DSE: variants seen among roughly 807,000 people sequenced by gnomAD.
The protein encoded by DSE is dermatan sulfate epimerase, also known as dermatan-sulfate epimerase.
A neutral mutation model predicts 84.4 loss-of-function variants in DSE; 36 were observed. That is an observed-to-expected ratio of 0.43 (90% CI 0.33 to 0.56). The LOEUF is 0.56. Ranked by LOEUF, DSE falls within the 20% of genes least tolerant of loss-of-function variation. The pLI, the probability that DSE is intolerant of heterozygous loss-of-function variation, is 0.06. For missense variants in DSE, 862 were observed against 1,169.6 expected (o/e 0.74, Z 3.84); for synonymous variants, 410 against 430.1 (o/e 0.95, Z 0.58).
intron 2 of DSE, among the ~76,000 whole-genome samples, chr6:116,300,024 A>T (rs967653041): frequency 2.0e-5 from 3 of 152,196 alleles, no homozygotes; most frequent in African/African-American, 7.2e-5. Flanking sequence ...AACCGTTTTT[A>T]AATTTGGCAG....
chr6:116,400,771 T>G (rs1022999954), intron 2 of DSE: 2 of 152,176 alleles, frequency 1.3e-5, no homozygotes, highest in Non-Finnish European at 2.9e-5. Flanking sequence ...TGTAGTTGTT[T>G]CTGACTTTGA....
At chr6:116,275,748 C>T (rs1187668372) in intron 2 of DSE, among the ~76,000 whole-genome samples, 1 of 149,260 alleles carries the variant, frequency 6.7e-6, no homozygotes, top group Non-Finnish European at 1.5e-5. Context: ...TGCAGTGAGC[C>T]GAGATCGCGC....
chr6:116,375,894 G>A (rs769990284), intron 1 of DSE, among the ~76,000 whole-genome samples: 20 of 151,924 alleles, frequency 1.3e-4, no homozygotes, highest in Non-Finnish European at 2.9e-4. Context: ...CCTCATTTTA[G>A]GGGTATGGAA....
chr6:116,279,542 C>T, intron 2 of DSE: 1 of 1,604,824 alleles, frequency 6.2e-7, no homozygotes, highest in Non-Finnish European at 8.5e-7. Context: ...TCTTCCTGCC[C>T]GGCTTTGATC....
intron 1 of DSE, among the ~76,000 whole-genome samples, chr6:116,374,337 G>A (rs1779791250): frequency 6.6e-6 from 1 of 152,194 alleles, no homozygotes; most frequent in Non-Finnish European, 1.5e-5. Flanking sequence ...GACTTAGGAT[G>A]TGTTTGTGGC....
At chr6:116,397,582 T>A (rs1781343394) in intron 1 of DSE, among the ~76,000 whole-genome samples, 1 of 152,228 alleles carries the variant, frequency 6.6e-6, no homozygotes, top group Admixed American at 6.5e-5. Flanking sequence ...CAGCCATTTC[T>A]GTGTGCTGCC....
At chr6:116,301,826 C>T (rs1775059724) in intron 2 of DSE, among the ~76,000 whole-genome samples, 1 of 152,190 alleles carries the variant, frequency 6.6e-6, no homozygotes, top group Non-Finnish European at 1.5e-5. Context: ...TGATGTTCCC[C>T]TCCCTGTGTC....
chr6:116,360,246 A>T (rs1442849808), intron 2 of DSE, among the ~76,000 whole-genome samples: 1 of 152,188 alleles, frequency 6.6e-6, no homozygotes, highest in Non-Finnish European at 1.5e-5. Flanking sequence ...TGCTGGGCTT[A>T]ATACCTAGGT....
intron 2 of DSE, among the ~76,000 whole-genome samples, chr6:116,322,938 T>G (rs9320558): frequency 0.54 from 82,435 of 151,942 alleles, 23,642 homozygotes; most frequent in Middle Eastern, 0.69. Flanking sequence ...AGAGAGCATT[T>G]TTTTGCTTCC....
chr6:116,387,884 AGT>A (rs1429862479), intron 1 of DSE, among the ~76,000 whole-genome samples: 1 of 152,192 alleles, frequency 6.6e-6, no homozygotes, highest in African/African-American at 2.4e-5. Context: ...AATTTCCCAA[AGT>A]GTCAGGGAAG....
At chr6:116,334,113 C>T (rs905988920) in intron 2 of DSE, among the ~76,000 whole-genome samples, 1 of 152,180 alleles carries the variant, frequency 6.6e-6, no homozygotes, top group African/African-American at 2.4e-5. Flanking sequence ...TTGTTTCCCA[C>T]CATTAGATTA....
upstream of DSE, chr6:116,369,986 C>A (rs1779409904): frequency 7.8e-7 from 1 of 1,280,274 alleles, no homozygotes; most frequent in Non-Finnish European, 1.0e-6. Context: ...GTTACTTGCA[C>A]ACACTGGGTG....
chr6:116,280,686 G>A lies in DSE; in HGVS notation c.-54+21719G>A, dbSNP rs1042214156. Among the ~76,000 whole-genome samples the A allele has an allele frequency of 5.3e-5, 8 of 152,180 alleles. No individual in the cohort carries two copies. The South Asian group carries it at 1.4e-3, about 28-fold the overall frequency. On this transcript the variant is annotated intron_variant, in intron 2 of 3. Coordinates refer to the DSE transcript ENST00000430252. ...CAATCAGCTGAGTTCATTAGAGGGG[G>A]ATGTCAATGTCTCTGGTTGAAGTGT...
At chr6:116,368,435 A>T (rs761523219), upstream of DSE, among the ~76,000 whole-genome samples, 42 of 152,244 alleles carry the variant, frequency 2.8e-4, no homozygotes, top group Non-Finnish European at 5.1e-4. Flanking sequence ...CAGTTATATC[A>T]ATGATACCCA....
intron 1 of DSE, among the ~76,000 whole-genome samples, chr6:116,396,311 T>G (rs1046113589): frequency 5.9e-5 from 9 of 152,078 alleles, no homozygotes; most frequent in African/African-American, 2.2e-4. Context: ...ACAAGAGAGA[T>G]CAACTCTTTG....
rs953174012 is a variant in DSE, at chr6:116,444,395, G to A, written c.*7050G>A. The stretch of plus-strand genomic sequence containing the variant: ...TATACATGGTTCTTACACAGTGCCT[G>A]GCATTCAAAAAATGCATTCAGAAAA... On this transcript the variant is annotated 3_prime_UTR_variant, in exon 6 of 6. Transcript: ENST00000644252. 5 of 152,062 alleles carry A rather than the reference G, an allele frequency of 3.3e-5. No homozygotes were observed. The highest frequency in any genetic ancestry group is 7.4e-5 in the Non-Finnish European group (5 of 68,012). The allele number at this position is 152,062 out of a possible 1,614,324, so 9.4% of individuals were successfully genotyped here.
intron 2 of DSE, among the ~76,000 whole-genome samples, chr6:116,299,572 A>ACT (rs1774909774): frequency 7.1e-6 from 1 of 141,654 alleles, no homozygotes; most frequent in Non-Finnish European, 1.5e-5. Flanking sequence ...ACACACACAC[A>ACT]CATACATATA....
intron 2 of DSE, among the ~76,000 whole-genome samples, chr6:116,360,119 C>T (rs914113229): frequency 4.6e-5 from 7 of 152,122 alleles, no homozygotes; most frequent in African/African-American, 1.7e-4. Context: ...AACCAAACAC[C>T]GCATGTTCTC....
At chr6:116,265,086 A>C (rs975951014) in intron 2 of DSE, among the ~76,000 whole-genome samples, 1 of 152,188 alleles carries the variant, frequency 6.6e-6, no homozygotes, top group African/African-American at 2.4e-5. Context: ...CAGCTGCAGC[A>C]GAGTGCTAGC....
Sources: allele counts gnomAD v4.1 joint callset (sites outside exome capture counted in the v4.1 genomes callset), GRCh38; gene constraint gnomAD v4.1.1; transcripts MANE v1.5; gene names NCBI Gene and HGNC (gene_info 2026-07-23, HGNC 2026-07-21).